Variants in ELMO1 observed in about 807,000 individuals in gnomAD.
ELMO1 encodes engulfment and cell motility 1, also known as engulfment and cell motility protein 1.
A neutral mutation model predicts 98.9 loss-of-function variants in ELMO1; 26 were observed. That is an observed-to-expected ratio of 0.26 (90% CI 0.19 to 0.36). ELMO1 has a LOEUF of 0.36. Among genes scored for constraint, ELMO1 ranks in the 10% least tolerant of loss-of-function variants. The probability of loss-of-function intolerance (pLI) is 1.00; values close to 1 mark genes in which losing one functional copy is unlikely to be tolerated. For missense variants in ELMO1, 627 were observed against 935.2 expected (o/e 0.67, Z 4.30); for synonymous variants, 346 against 346.0 (o/e 1.00, Z 0.00).
At chr7:37,273,811 G>A (rs1471572920) in intron 4 of ELMO1, among the ~76,000 whole-genome samples, 1 of 152,212 alleles carries the variant, frequency 6.6e-6, no homozygotes, top group Non-Finnish European at 1.5e-5. Context: ...GACACACTGA[G>A]GTGGTGGGAA....
At chr7:37,220,710 GA>G in intron 10 of ELMO1, among the ~76,000 whole-genome samples, 1 of 152,266 alleles carries the variant, frequency 6.6e-6, no homozygotes, top group East Asian at 1.9e-4. Context: ...TATAAAATAA[GA>G]TGCAGTAAGC....
chr7:37,090,093 G>A (rs1008031649), intron 15 of ELMO1, among the ~76,000 whole-genome samples: 1 of 152,158 alleles, frequency 6.6e-6, no homozygotes, highest in Non-Finnish European at 1.5e-5. Context: ...TGTGAAGGTA[G>A]CCATCATCTT....
chr7:37,365,813 T>C (rs1011022288), intron 1 of ELMO1, among the ~76,000 whole-genome samples: 1 of 152,230 alleles, frequency 6.6e-6, no homozygotes, highest in African/African-American at 2.4e-5. Flanking sequence ...TAAAGTATTA[T>C]CATAAGCGCC....
chr7:37,437,071 G>A (rs1805181747), intron 1 of ELMO1, among the ~76,000 whole-genome samples: 2 of 152,136 alleles, frequency 1.3e-5, no homozygotes, highest in Admixed American at 1.3e-4. Context: ...CATTTCCAAA[G>A]CATGAATGGA....
chr7:37,014,561 C>T (rs547212733), intron 15 of ELMO1, among the ~76,000 whole-genome samples: 1 of 152,090 alleles, frequency 6.6e-6, no homozygotes, highest in Non-Finnish European at 1.5e-5. Context: ...AGCACATCAA[C>T]CCATCACCTA....
chr7:37,268,109 C>G (rs925669435), intron 5 of ELMO1, among the ~76,000 whole-genome samples: 1 of 152,244 alleles, frequency 6.6e-6, no homozygotes, highest in East Asian at 1.9e-4. Context: ...GTTTCTGATA[C>G]GAACAATAGC....
In ELMO1 at chr7:37,216,661, C is replaced by T. The variant is rs1448608892; in HGVS notation, c.815G>A (p.Arg272His). The part of the protein sequence containing the change: ...MANILAQKQL[R>H]SIILTHVIRA... ...GGTACTCACTGTTAAAATGATGGAA[C>T]GCAGTTGCTTCTGAGCCAAAATATT... The change falls in exon 11 of 22, where the codon CGT (arginine) becomes CAT (histidine). Residue 272 changes from arginine (R) to histidine (H), a missense_variant. This residue lies in a region of ELMO1 where 492 missense variants were observed against 715.6 expected (regional missense o/e 0.69). Transcript: ENST00000310758. 3.1e-6 allele frequency: 5 copies of T among 1,614,116 alleles called. No individual in the cohort carries two copies. The highest frequency in any genetic ancestry group is 2.2e-5 in the East Asian group (1 of 44,876).
intron 14 of ELMO1, among the ~76,000 whole-genome samples, chr7:37,097,540 T>C (rs1235433434): frequency 6.7e-6 from 1 of 149,954 alleles, no homozygotes; most frequent in Non-Finnish European, 1.5e-5. Context: ...GCCAAGATAG[T>C]GCCACTGCAC....
intron 15 of ELMO1, among the ~76,000 whole-genome samples, chr7:37,019,295 C>T (rs1040598365): frequency 6.6e-6 from 1 of 152,226 alleles, no homozygotes; most frequent in Non-Finnish European, 1.5e-5. Context: ...CTTGAAGACT[C>T]CTCCTTTGCA....
At chr7:37,168,581 T>C (rs930504549) in intron 13 of ELMO1, among the ~76,000 whole-genome samples, 10 of 152,230 alleles carry the variant, frequency 6.6e-5, no homozygotes, top group African/African-American at 1.2e-4. Flanking sequence ...TGCAGGTCTG[T>C]TGGAGTTTGC....
At chr7:37,244,233 C>T (rs891126074) in intron 7 of ELMO1, 123 bp downstream of exon 7, 4 of 1,031,708 alleles carry the variant, frequency 3.9e-6, no homozygotes, top group African/African-American at 3.3e-5. Context: ...ACAAAAATAA[C>T]AAAAAATCAC....
intron 16 of ELMO1, among the ~76,000 whole-genome samples, chr7:36,948,324 G>A (rs1787677597): frequency 6.6e-6 from 1 of 152,168 alleles, no homozygotes. Flanking sequence ...ATCATCATGT[G>A]CAAAAGACAC....
intron 4 of ELMO1, among the ~76,000 whole-genome samples, chr7:37,281,941 C>T (rs117590534): frequency 0.011 from 1,703 of 152,266 alleles, 16 homozygotes; most frequent in Middle Eastern, 0.041. Context: ...TCATAGCCAG[C>T]AGTTCCAGAC....
Position 36,982,687 on chromosome 7 carries a change from T to G in ELMO1, c.1437+30612A>C, listed in dbSNP as rs145950179. Among the ~76,000 whole-genome samples the G allele has an allele frequency of 4.3e-3, 651 of 152,344 alleles. 11 individuals carry two copies. The highest frequency in any genetic ancestry group is 0.015 in the African/African-American group (621 of 41,574). ...CTACAGATTCCTTTCCACTTAGCATTGCAATCTTGCTTATTTTTTTATGTC... is the reference window on the plus strand; with the variant it reads ...CTACAGATTCCTTTCCACTTAGCATGGCAATCTTGCTTATTTTTTTATGTC... On this transcript the variant is annotated intron_variant, in intron 16 of 21. Transcript: ENST00000310758.
rs77975044 is a variant in ELMO1 at position 37,021,462 on chromosome 7, T to C, written c.1301-8027A>G. 5.1e-3 allele frequency among the ~76,000 whole-genome samples: 783 copies of C among 152,132 alleles called. 8 individuals are homozygous for C. Among genetic ancestry groups the C allele is most frequent in the African/African-American group, 0.018 (766 of 41,498 alleles). On this transcript the variant is annotated intron_variant, in intron 15 of 21. Coordinates refer to ENST00000310758, the MANE Select transcript of ELMO1 (RefSeq NM_014800.11). The stretch of plus-strand genomic sequence containing the variant: ...AGAGAGGAAAAAAAATACCGACTAG[T>C]GTTAAGGCTGAAAATCAGCCTCATA...
chr7:37,330,161 G>T (rs1357636209), intron 2 of ELMO1, among the ~76,000 whole-genome samples: 1 of 152,214 alleles, frequency 6.6e-6, no homozygotes, highest in Non-Finnish European at 1.5e-5. Flanking sequence ...TTCCAGAGAA[G>T]CATGACATTA....
chr7:37,326,612 A>G (rs1354814138), intron 2 of ELMO1, among the ~76,000 whole-genome samples: 3 of 152,032 alleles, frequency 2.0e-5, no homozygotes, highest in Non-Finnish European at 4.4e-5. Context: ...TTGACAAATG[A>G]TGATTCATTT....
At chr7:36,905,146 T>G (rs2129061550) in intron 16 of ELMO1, among the ~76,000 whole-genome samples, 1 of 152,342 alleles carries the variant, frequency 6.6e-6, no homozygotes, top group Middle Eastern at 3.4e-3. Context: ...GAAAACTCTT[T>G]CACCAACAGG....
intron 7 of ELMO1, among the ~76,000 whole-genome samples, chr7:37,243,796 T>C (rs1414610413): frequency 6.6e-6 from 1 of 152,212 alleles, no homozygotes; most frequent in South Asian, 2.1e-4. Flanking sequence ...CCCTGTTTAA[T>C]GGTTAAGAAA....
Sources: allele counts gnomAD v4.1 joint callset (sites outside exome capture counted in the v4.1 genomes callset), GRCh38; gene constraint gnomAD v4.1.1; regional missense constraint gnomAD v4.1.1; transcripts MANE v1.5; gene names NCBI Gene and HGNC (gene_info 2026-07-23, HGNC 2026-07-21).